PKD1L3: variants seen among roughly 807,000 people sequenced by gnomAD.
PKD1L3 encodes polycystin-1-like protein 3.
In PKD1L3, 239 loss-of-function variants were observed where a neutral mutation model predicts 184.1. The ratio of observed to expected loss-of-function variants is 1.30; its 90% CI spans 1.17 to 1.45. The LOEUF (loss-of-function observed/expected upper bound fraction) is 1.45, where lower values mean the gene tolerates loss of function less well. PKD1L3 is among the 40% of genes most tolerant of loss of function. PKD1L3 has a pLI of 0.00. For synonymous variants in PKD1L3, 996 were observed against 778.8 expected (o/e 1.28, Z -4.64); for missense variants, 2,660 against 2,067.2 (o/e 1.29, Z -5.56).
chr16:71,982,276 T>C, intron 6 of PKD1L3, 41 bp from the exon 7 acceptor site: 1 of 1,175,276 alleles, frequency 8.5e-7, no homozygotes, highest in Non-Finnish European at 1.1e-6. Context: ...TTGAATTGTT[T>C]GCTTTTTTTT....
intron 11 of PKD1L3, among the ~76,000 whole-genome samples, chr16:71,974,102 A>C (rs781419938): frequency 6.6e-6 from 1 of 152,242 alleles, no homozygotes; most frequent in Non-Finnish European, 1.5e-5. Context: ...AAATGAAATG[A>C]GCACATATCT....
chr16:71,992,359 T>C (rs1252360760), intron 3 of PKD1L3, among the ~76,000 whole-genome samples: 1 of 152,212 alleles, frequency 6.6e-6, no homozygotes, highest in African/African-American at 2.4e-5. Flanking sequence ...GTCTATTTAA[T>C]TCAGTAATTT....
chr16:71,940,764 T>C (rs1287901862), intron 24 of PKD1L3, among the ~76,000 whole-genome samples: 2 of 152,016 alleles, frequency 1.3e-5, no homozygotes, highest in Non-Finnish European at 2.9e-5. Flanking sequence ...CCTCCCAAAG[T>C]GCTGGGATTA....
At chr16:71,946,026 T>A (rs1295808462) in intron 22 of PKD1L3, among the ~76,000 whole-genome samples, 1 of 152,166 alleles carries the variant, frequency 6.6e-6, no homozygotes, top group Non-Finnish European at 1.5e-5. Flanking sequence ...TGGCACGATC[T>A]TGGCTCACTG....
intron 12 of PKD1L3, among the ~76,000 whole-genome samples, chr16:71,970,413 C>A (rs2039668028): frequency 1.3e-5 from 2 of 152,034 alleles, no homozygotes; most frequent in African/African-American, 4.8e-5. Context: ...CTATAATTAT[C>A]AAAAATAGGA....
At position 71,940,379 on chromosome 16, in the gene PKD1L3, T is replaced by C. The variant is rs887746259; in HGVS notation, c.4324+2181A>G. ...TTCCCTCAACTTGCTCTGATAAGTA[T>C]AATAGGCTCATATACTCAAGATTGG... On this transcript the variant is annotated intron_variant, in intron 24 of 29. Transcript: ENST00000620267. Among the ~76,000 whole-genome samples the C allele has an allele frequency of 1.8e-4, 27 of 152,170 alleles. 1 individual carries two copies. The highest frequency in any genetic ancestry group is 6.3e-4 in the African/African-American group (26 of 41,442).
intron 11 of PKD1L3, among the ~76,000 whole-genome samples, chr16:71,976,965 G>C (rs1015862232): frequency 6.6e-6 from 1 of 152,054 alleles, no homozygotes; most frequent in African/African-American, 2.4e-5. Context: ...GGATGGTCTC[G>C]ATCTCCTGAC....
chr16:71,946,981 G>A (rs1290243108), intron 22 of PKD1L3, among the ~76,000 whole-genome samples: 1 of 151,006 alleles, frequency 6.6e-6, no homozygotes, highest in Non-Finnish European at 1.5e-5. Flanking sequence ...GGGAGTCCGG[G>A]GGCGGTGGCT....
rs550022219 is a variant in PKD1L3, at chr16:71,967,112, C to A, written c.2465+25G>T. 1.0e-5 allele frequency: 16 copies of A among 1,539,426 alleles called. No individual in the cohort carries two copies. In the East Asian group the frequency reaches 3.2e-4, roughly 31 times the overall value. ...TCTTGGATCCACAAAGCAGCAGCAA[C>A]AGCCAACAGGATATAAGTACTCACC... is the stretch of plus-strand genomic sequence containing the variant. On this transcript the variant is annotated intron_variant, in intron 15 of 29. Transcript: ENST00000620267.
Position 71,973,379 on chromosome 16 carries a change from G to A in PKD1L3, c.1898C>T (p.Thr633Ile). 6.4e-7 allele frequency: 1 copy of A among 1,551,686 alleles called. No individual in the cohort carries two copies. Among genetic ancestry groups the A allele is most frequent in the East Asian group, 2.4e-5 (1 of 40,912 alleles). Residue 633 changes from threonine to isoleucine, a missense_variant, in exon 12 of 30, where the codon ACT becomes ATT. Coordinates refer to ENST00000620267, the MANE Select transcript of PKD1L3 (RefSeq NM_181536.2). ...PSLVSVITAVTQCYYWEIHNQ... is the reference protein window; with the variant it reads ...PSLVSVITAVIQCYYWEIHNQ... Reference sequence around the variant, plus strand: ...GTGGATCTCCCAGTAGTAACACTGAGTGACGGCGGTGATGACCGAGACCAA... The same window carrying A: ...GTGGATCTCCCAGTAGTAACACTGAATGACGGCGGTGATGACCGAGACCAA...
chr16:71,949,226 T>A (rs779246874), intron 21 of PKD1L3, among the ~76,000 whole-genome samples: 3 of 152,128 alleles, frequency 2.0e-5, no homozygotes, highest in Non-Finnish European at 2.9e-5. Context: ...TTCAAAGTGC[T>A]TTGGGTTGTT....
chr16:71,950,718 C>CT (rs552837146), intron 19 of PKD1L3, among the ~76,000 whole-genome samples: 25 of 143,280 alleles, frequency 1.7e-4, no homozygotes, highest in African/African-American at 5.9e-4. Flanking sequence ...ATACAGAAAA[C>CT]TTTTTTTTGT....
chr16:71,982,278 C>CTTTTTTT (rs35324670), intron 6 of PKD1L3, 43 bp from the exon 7 acceptor site: 15 of 432,768 alleles, frequency 3.5e-5, no homozygotes, highest in African/African-American at 6.5e-5. Context: ...GAATTGTTTG[C>CTTTTTTT]TTTTTTTTTT....
chr16:71,943,907 C>T (rs1001558329), intron 23 of PKD1L3, 123 bp downstream of exon 23: 1 of 1,181,096 alleles, frequency 8.5e-7, no homozygotes, highest in Non-Finnish European at 1.2e-6. Context: ...CCAAATCTCA[C>T]AGGGTGAAGA....
chr16:71,940,688 T>C (rs907005099), intron 24 of PKD1L3, among the ~76,000 whole-genome samples: 1 of 151,996 alleles, frequency 6.6e-6, no homozygotes, highest in Non-Finnish European at 1.5e-5. Flanking sequence ...TTAGTAGATA[T>C]GGGGTTTTGC....
intron 24 of PKD1L3, among the ~76,000 whole-genome samples, chr16:71,939,013 C>G (rs1020435596): frequency 6.6e-6 from 1 of 152,224 alleles, no homozygotes; most frequent in Non-Finnish European, 1.5e-5. Flanking sequence ...TGGGGGAGCC[C>G]AGACCTACAG....
At chr16:71,995,939 T>G (rs546240517) in intron 2 of PKD1L3, among the ~76,000 whole-genome samples, 1 of 152,358 alleles carries the variant, frequency 6.6e-6, no homozygotes, top group Non-Finnish European at 1.5e-5. Flanking sequence ...TATGCCAATC[T>G]GATAGGTGGG....
At chr16:71,932,231 C>T (rs2037999752) in intron 28 of PKD1L3, among the ~76,000 whole-genome samples, 1 of 152,112 alleles carries the variant, frequency 6.6e-6, no homozygotes, top group Non-Finnish European at 1.5e-5. Context: ...AAAATCTTGC[C>T]AGTTTCACTG....
chr16:71,974,005 A>G (rs2039823212), intron 11 of PKD1L3, among the ~76,000 whole-genome samples: 1 of 26,562 alleles, frequency 3.8e-5, no homozygotes, highest in Non-Finnish European at 6.6e-5. Context: ...TTGTCTCAAA[A>G]AAAAAAAAAA....
Sources: allele counts gnomAD v4.1 joint callset (sites outside exome capture counted in the v4.1 genomes callset), GRCh38; gene constraint gnomAD v4.1.1; transcripts MANE v1.5; gene names NCBI Gene and HGNC (gene_info 2026-07-23, HGNC 2026-07-21).